The following CSMD1 variants were observed in gnomAD, a reference collection of about 807,000 sequenced individuals.
CSMD1 encodes CUB and Sushi multiple domains 1.
CSMD1 carries 213 observed loss-of-function variants against 417.5 expected under a neutral mutation model. The ratio of observed to expected loss-of-function variants is 0.51; its 90% CI spans 0.46 to 0.57. The LOEUF (loss-of-function observed/expected upper bound fraction) is 0.57, where lower values mean the gene tolerates loss of function less well. Among genes scored for constraint, CSMD1 ranks in the 20% least tolerant of loss-of-function variants. The probability of loss-of-function intolerance (pLI) is 0.00; values close to 1 mark genes in which losing one functional copy is unlikely to be tolerated. For synonymous variants in CSMD1, 2,862 were observed against 1,736.8 expected (o/e 1.65, Z -16.11); for missense variants, 6,923 against 4,529.7 (o/e 1.53, Z -15.17).
intron 7 of CSMD1, among the ~76,000 whole-genome samples, chr8:3,636,496 G>C (rs765467732): frequency 2.6e-5 from 4 of 152,166 alleles, no homozygotes; most frequent in Non-Finnish European, 4.4e-5. Flanking sequence ...AAAATCTTTA[G>C]GAGTCTATCT....
At chr8:4,838,086 A>G (rs1253618535) in intron 1 of CSMD1, among the ~76,000 whole-genome samples, 1 of 152,148 alleles carries the variant, frequency 6.6e-6, no homozygotes, top group Non-Finnish European at 1.5e-5. Context: ...ATTTGCCGGT[A>G]ATAAAAATTA....
At chr8:4,658,421 C>G (rs1804377561) in intron 1 of CSMD1, among the ~76,000 whole-genome samples, 1 of 152,030 alleles carries the variant, frequency 6.6e-6, no homozygotes, top group Admixed American at 6.6e-5. Flanking sequence ...TTAAAAATTC[C>G]TGGAGGCCAG....
At chr8:3,955,939 G>A (rs184163175) in intron 5 of CSMD1, among the ~76,000 whole-genome samples, 5 of 152,114 alleles carry the variant, frequency 3.3e-5, no homozygotes, top group East Asian at 3.9e-4. Flanking sequence ...GATTACAGGC[G>A]CCCAACACCA....
chr8:3,576,926 G>C (rs932503287), intron 9 of CSMD1, among the ~76,000 whole-genome samples: 2 of 152,176 alleles, frequency 1.3e-5, no homozygotes, highest in Non-Finnish European at 2.9e-5. Flanking sequence ...ATTAACAGCT[G>C]TTATAAACAT....
intron 25 of CSMD1, among the ~76,000 whole-genome samples, chr8:3,287,215 C>T (rs1305975952): frequency 7.8e-5 from 11 of 140,278 alleles, no homozygotes; most frequent in African/African-American, 1.8e-4. Flanking sequence ...CCTTGTAGTA[C>T]AGTTTGAAGT....
At position 4,486,109 on chromosome 8, in the gene CSMD1, G is replaced by GTATATATACATACATATATA. The variant is rs1563223416; in HGVS notation, c.303-66064_303-66045dup. On this transcript the variant is annotated intron_variant, in intron 2 of 69. Coordinates refer to ENST00000635120, the MANE Select transcript of CSMD1 (RefSeq NM_033225.6). ...TCTTTCATCATACATATATATGTAT[G>GTATATATACATACATATATA]TATATATACATACATATATATATAT... Among the ~76,000 whole-genome samples the GTATATATACATACATATATA allele has an allele frequency of 8.8e-4, 119 of 135,304 alleles. 3 individuals carry two copies. Among genetic ancestry groups the GTATATATACATACATATATA allele is most frequent in the Non-Finnish European group, 1.2e-3 (76 of 63,510 alleles). The allele number at this position is 135,304 out of a possible 152,430, so 88.8% of individuals were successfully genotyped here. A position where few individuals can be genotyped will look rare whatever the true frequency, so the allele number is the denominator to read the frequency against.
intron 1 of CSMD1, among the ~76,000 whole-genome samples, chr8:4,833,546 A>G (rs1198072583): frequency 6.6e-6 from 1 of 152,226 alleles, no homozygotes; most frequent in Non-Finnish European, 1.5e-5. Context: ...GTTGCTGTTA[A>G]GTAGATAAGT....
chr8:4,645,444 CAAA>C lies in CSMD1; in HGVS notation c.86-7889_86-7887del, dbSNP rs549511320. Among the ~76,000 whole-genome samples the C allele has an allele frequency of 1.6e-3, 60 of 36,848 alleles. 1 individual carries two copies. Among genetic ancestry groups the C allele is most frequent in the African/African-American group, 6.4e-3 (58 of 9,010 alleles). 24.2% of individuals were successfully genotyped at this position (36,848 alleles called of 152,430 possible). Reference sequence around the variant, plus strand: ...CAAGACAGCAGGTGTAGTGCAGGGGCAAAAAAAAAAAAAAAAAAAAAAAGGCAA... The same window carrying C: ...CAAGACAGCAGGTGTAGTGCAGGGGCAAAAAAAAAAAAAAAAAAAAGGCAA... On this transcript the variant is annotated intron_variant, in intron 1 of 69. Transcript: ENST00000635120.
chr8:4,566,650 C>G (rs931963440), intron 2 of CSMD1, among the ~76,000 whole-genome samples: 2 of 45,694 alleles, frequency 4.4e-5, no homozygotes, highest in African/African-American at 2.0e-4. Flanking sequence ...GAGACTCTGA[C>G]TCAAAAAAAA....
At chr8:4,289,100 A>G (rs1373123348) in intron 3 of CSMD1, among the ~76,000 whole-genome samples, 6 of 152,198 alleles carry the variant, frequency 3.9e-5, no homozygotes, top group African/African-American at 1.4e-4. Flanking sequence ...TGTAACAGCA[A>G]AAGAAAAATT....
intron 26 of CSMD1, among the ~76,000 whole-genome samples, chr8:3,258,664 C>T (rs1430711246): frequency 6.6e-6 from 1 of 152,174 alleles, no homozygotes; most frequent in African/African-American, 2.4e-5. Context: ...CAGCACTATT[C>T]ACCACAGCAA....
chr8:4,334,795 C>T (rs111968209), intron 3 of CSMD1, among the ~76,000 whole-genome samples: 2,537 of 152,096 alleles, frequency 0.017, 63 homozygotes, highest in African/African-American at 0.058. Flanking sequence ...GTTTGGGCTG[C>T]TATGACAAAA....
intron 8 of CSMD1, among the ~76,000 whole-genome samples, chr8:3,591,591 T>C (rs1362874911): frequency 2.6e-5 from 4 of 152,212 alleles, no homozygotes; most frequent in Non-Finnish European, 5.9e-5. Flanking sequence ...TACACTAATC[T>C]ACTGACTGGC....
chr8:3,702,620 C>A (rs1476177238), intron 7 of CSMD1, among the ~76,000 whole-genome samples: 1 of 152,166 alleles, frequency 6.6e-6, no homozygotes. Flanking sequence ...CGCCTGAGGT[C>A]AGGAATTCAA....
intron 3 of CSMD1, among the ~76,000 whole-genome samples, chr8:4,151,843 T>C (rs1796587118): frequency 6.6e-6 from 1 of 152,188 alleles, no homozygotes; most frequent in Admixed American, 6.5e-5. Flanking sequence ...CATGAATCAA[T>C]TATATTTCCA....
Position 3,311,050 on chromosome 8 carries a change from T to A in CSMD1, c.3632-2547A>T, listed in dbSNP as rs1215780348. On this transcript the variant is annotated intron_variant, in intron 23 of 69. Coordinates refer to ENST00000635120, the MANE Select transcript of CSMD1 (RefSeq NM_033225.6). Reference sequence around the variant, plus strand: ...ATGAGGTTACGTCCCAATAAACCCATTAAGAGTGGGAAATACCTTAAGCAG... The same window carrying A: ...ATGAGGTTACGTCCCAATAAACCCAATAAGAGTGGGAAATACCTTAAGCAG... 2.0e-5 allele frequency among the ~76,000 whole-genome samples: 3 copies of A among 151,978 alleles called. No homozygotes were observed. In the East Asian group the frequency reaches 5.8e-4, roughly 29 times the overall value.
chr8:4,735,570 C>A (rs567058873), intron 1 of CSMD1, among the ~76,000 whole-genome samples: 1 of 152,122 alleles, frequency 6.6e-6, no homozygotes, highest in African/African-American at 2.4e-5. Flanking sequence ...AGCCCACATA[C>A]AGCTAAGAAA....
At chr8:3,788,395 G>A (rs1239664032) in intron 5 of CSMD1, among the ~76,000 whole-genome samples, 1 of 152,146 alleles carries the variant, frequency 6.6e-6, no homozygotes, top group Non-Finnish European at 1.5e-5. Context: ...ATTGGTCACA[G>A]AAGACCCAAG....
In CSMD1 at chr8:3,308,428, G is replaced by A. The variant is rs769271764; in HGVS notation, c.3707C>T (p.Thr1236Ile). Residue 1236 changes from threonine (T) to isoleucine (I), a missense_variant, in exon 24 of 70, where the codon ACC (threonine) becomes ATC (isoleucine). Coordinates refer to ENST00000635120, the MANE Select transcript of CSMD1 (RefSeq NM_033225.6). ...GCAACTGTACAGAACTACAGTGTCG[G>A]TAAAGTGGCCTTCATCACGGATCCT... ...GYRIRDEGHF[T>I]DTVVLYSCNP... The A allele has an allele frequency of 2.5e-6, 4 of 1,613,754 alleles. No individual in the cohort carries two copies. Among genetic ancestry groups the A allele is most frequent in the East Asian group, 2.2e-5 (1 of 44,830 alleles).
Sources: gnomAD v4.1 joint callset for allele counts (sites outside exome capture counted in the v4.1 genomes callset) on GRCh38, gnomAD v4.1.1 for gene constraint, MANE v1.5 for transcripts, NCBI Gene and HGNC (gene_info 2026-07-23, HGNC 2026-07-21) for gene names.